The following TEX9 variants were observed in gnomAD, a reference collection of about 807,000 sequenced individuals.
TEX9 encodes testis-expressed protein 9.
TEX9 carries 74 observed loss-of-function variants against 59.6 expected under a neutral mutation model. That is an observed-to-expected ratio of 1.24 (90% CI 1.03 to 1.51). The LOEUF (loss-of-function observed/expected upper bound fraction) is 1.51, where lower values mean the gene tolerates loss of function less well. Ranked by LOEUF, TEX9 falls within the 40% of genes most tolerant of loss-of-function variation. The probability of loss-of-function intolerance (pLI) is 0.00; values close to 1 mark genes in which losing one functional copy is unlikely to be tolerated. For missense variants in TEX9, 522 were observed against 447.8 expected, an observed-to-expected ratio of 1.17 and a Z score of -1.49; for synonymous variants, 186 against 152.2, an observed-to-expected ratio of 1.22 and a Z score of -1.64.
intron 12 of TEX9, among the ~76,000 whole-genome samples, chr15:56,432,238 A>G (rs2050615887): frequency 6.6e-6 from 1 of 152,218 alleles, no homozygotes; most frequent in Admixed American, 6.5e-5. Flanking sequence ...GGCAGGCCAC[A>G]TTCAATGTTT....
intron 1 of TEX9, among the ~76,000 whole-genome samples, chr15:56,300,362 A>G (rs1054219875): frequency 3.3e-5 from 5 of 152,044 alleles, no homozygotes; most frequent in Non-Finnish European, 7.4e-5. Flanking sequence ...GGAACATCAA[A>G]TAGGTTCATA....
chr15:56,339,383 CAAAAAA>C (rs71456382), intron 1 of TEX9, among the ~76,000 whole-genome samples: 97 of 30,762 alleles, frequency 3.2e-3, no homozygotes, highest in African/African-American at 0.011. Flanking sequence ...ACTCCTTCTC[CAAAAAA>C]AAAAAAAAAA....
intron 1 of TEX9, among the ~76,000 whole-genome samples, chr15:56,263,970 C>A (rs2044324577): frequency 6.6e-6 from 1 of 152,012 alleles, no homozygotes; most frequent in Non-Finnish European, 1.5e-5. Flanking sequence ...GGGGTTATTT[C>A]CACTTTTTGG....
chr15:56,358,891 C>G (rs947153138), intron 1 of TEX9, among the ~76,000 whole-genome samples: 5 of 152,082 alleles, frequency 3.3e-5, no homozygotes, highest in Admixed American at 6.6e-5. Flanking sequence ...TACTTGCTCT[C>G]TCTCCTGCCG....
intron 1 of TEX9, among the ~76,000 whole-genome samples, chr15:56,333,203 G>T (rs1344749215): frequency 6.6e-6 from 1 of 151,878 alleles, no homozygotes; most frequent in African/African-American, 2.4e-5. Flanking sequence ...ACCAGACAAA[G>T]ACACATCAAA....
chr15:56,448,947 G>GT (rs2050928224), downstream of TEX9, among the ~76,000 whole-genome samples: 1 of 151,852 alleles, frequency 6.6e-6, no homozygotes, highest in South Asian at 2.1e-4. Context: ...TACAGATGGA[G>GT]TTACACCATG....
intron 12 of TEX9, among the ~76,000 whole-genome samples, chr15:56,433,039 C>A (rs928256172): frequency 6.6e-6 from 1 of 152,194 alleles, no homozygotes; most frequent in Non-Finnish European, 1.5e-5. Context: ...CCAAAAACTT[C>A]ATTCCCTCTC....
chr15:56,420,188 T>A (rs1179309137), intron 10 of TEX9, among the ~76,000 whole-genome samples: 2 of 151,832 alleles, frequency 1.3e-5, no homozygotes, highest in Non-Finnish European at 2.9e-5. Context: ...ACTAGAGGTT[T>A]ACTAATTCTG....
chr15:56,459,990 C>CAAAAAAAAAA, the TEX9 span, among the ~76,000 whole-genome samples: 288 of 11,100 alleles, frequency 0.026, 55 homozygotes, highest in Non-Finnish European at 0.034. Context: ...AATTCTGTCT[C>CAAAAAAAAAA]AAAAAAAAAA....
chr15:56,364,489 C>G (rs542305551), upstream of TEX9, among the ~76,000 whole-genome samples: 7 of 145,386 alleles, frequency 4.8e-5, no homozygotes, highest in African/African-American at 1.8e-4. Context: ...TTTGCTACTG[C>G]TTTTGGTGTC....
At chr15:56,365,456 G>A in exon 1 of TEX9, 10 of 1,610,236 alleles carry the variant, frequency 6.2e-6, no homozygotes, top group East Asian at 2.2e-5. Context: ...CGAAGATGGC[G>A]GGGCGAAGTC....
At chr15:56,285,170 G>T (rs573089542) in intron 1 of TEX9, among the ~76,000 whole-genome samples, 3 of 151,826 alleles carry the variant, frequency 2.0e-5, no homozygotes, top group Non-Finnish European at 2.9e-5. Context: ...TAGAATTTTC[G>T]TTAGTGTGGG....
chr15:56,305,641 T>A (rs1403763020), intron 1 of TEX9, among the ~76,000 whole-genome samples: 1 of 152,118 alleles, frequency 6.6e-6, no homozygotes, highest in East Asian at 1.9e-4. Flanking sequence ...GATTAAACAC[T>A]TGTCTAAGAC....
chr15:56,322,919 A>G (rs2045934507), intron 1 of TEX9, among the ~76,000 whole-genome samples: 1 of 152,148 alleles, frequency 6.6e-6, no homozygotes, highest in Non-Finnish European at 1.5e-5. Flanking sequence ...TAAAGAGAGA[A>G]TGGGGTGAGG....
rs532777553 is a variant in TEX9, at chr15:56,444,426, AAGTT to A, written c.*30-1242_*30-1239del. ...AAAGTAAACATTTAGACATGTAAGA[AAGTT>A]AGGATAAACTTACAACTGATCTTCT... On this transcript the variant is annotated intron_variant, in intron 12 of 12. Coordinates refer to ENST00000352903, the Ensembl canonical transcript of TEX9. 4.0e-3 allele frequency: 6,277 copies of A among 1,585,880 alleles called. 24 individuals carry two copies. The highest frequency in any genetic ancestry group is 5.0e-3 in the Non-Finnish European group (5,864 of 1,165,980).
chr15:56,339,404 A>AAACAAAAC (rs1567091403), intron 1 of TEX9, among the ~76,000 whole-genome samples: 20 of 138,618 alleles, frequency 1.4e-4, no homozygotes, highest in Admixed American at 9.0e-4. Context: ...AAAAAAAAAA[A>AAACAAAAC]AAAAAAAAAA....
intron 1 of TEX9, among the ~76,000 whole-genome samples, chr15:56,332,613 A>G (rs2713917): frequency 0.64 from 84,838 of 131,980 alleles, 24,409 homozygotes; most frequent in Non-Finnish European, 0.67. Context: ...AAAACTTAAA[A>G]TATAAAAAAA....
intron 1 of TEX9, among the ~76,000 whole-genome samples, chr15:56,359,125 T>G (rs2046744758): frequency 6.6e-6 from 1 of 152,190 alleles, no homozygotes; most frequent in African/African-American, 2.4e-5. Flanking sequence ...AGCCTTGTTT[T>G]GGTTGACCTT....
chr15:56,399,396 T>C (rs1056936077), intron 9 of TEX9, among the ~76,000 whole-genome samples: 3 of 152,218 alleles, frequency 2.0e-5, no homozygotes, highest in African/African-American at 4.8e-5. Context: ...AGGTGGCAGC[T>C]TGGCTGTGGG....
Sources: gnomAD v4.1 joint callset for allele counts (sites outside exome capture counted in the v4.1 genomes callset) on GRCh38, gnomAD v4.1.1 for gene constraint, MANE v1.5 for transcripts, NCBI Gene and HGNC (gene_info 2026-07-23, HGNC 2026-07-21) for gene names.